Variants in WDR72 observed in about 807,000 individuals in gnomAD.
WDR72 encodes the protein WD repeat-containing protein 72.
In WDR72, 120 loss-of-function variants were observed where a neutral mutation model predicts 124.2. The observed-to-expected ratio is 0.97, with a 90% CI of 0.83 to 1.12. The LOEUF (loss-of-function observed/expected upper bound fraction) is 1.12. Among genes scored for constraint, WDR72 ranks in the 50% most tolerant of loss-of-function variants. WDR72 has a pLI of 0.00. For missense variants in WDR72, 1,387 were observed against 1,278.8 expected (o/e 1.08, Z -1.29); for synonymous variants, 452 against 441.7 (o/e 1.02, Z -0.29).
intron 9 of WDR72, among the ~76,000 whole-genome samples, chr15:53,706,819 A>G (rs1451160628): frequency 6.6e-6 from 1 of 152,052 alleles, no homozygotes; most frequent in Non-Finnish European, 1.5e-5. Context: ...GTGTATATAC[A>G]TATATAATGT....
rs972507770 is a variant in WDR72, at chr15:53,515,142, A to T, written c.*2557T>A. On this transcript the variant is annotated 3_prime_UTR_variant, in exon 20 of 20. Coordinates refer to ENST00000360509, the MANE Select transcript of WDR72 (RefSeq NM_182758.4). The stretch of plus-strand genomic sequence containing the variant: ...ATAAATATCACCAAGATGATTACCA[A>T]AAAAGAAACACAAGACAAAATTTTT... The T allele has an allele frequency of 7.4e-5, 8 of 107,650 alleles. No individual in the cohort carries two copies. The highest frequency in any genetic ancestry group is 1.7e-4 in the Non-Finnish European group (8 of 47,000). The allele number at this position is 107,650 out of a possible 1,614,324, so 6.7% of individuals were successfully genotyped here.
At chr15:53,725,783 G>T (rs1328141760) in intron 2 of WDR72, among the ~76,000 whole-genome samples, 1 of 152,156 alleles carries the variant, frequency 6.6e-6, no homozygotes, top group Non-Finnish European at 1.5e-5. Flanking sequence ...GTGGTTGTCA[G>T]GGGTTTGTGG....
At chr15:53,756,435 T>C (rs757459251) in intron 1 of WDR72, among the ~76,000 whole-genome samples, 2 of 152,164 alleles carry the variant, frequency 1.3e-5, no homozygotes, top group Non-Finnish European at 2.9e-5. Flanking sequence ...AAAGGACTAA[T>C]ACATGGGCCC....
chr15:53,692,274 G>A (rs959542139), intron 13 of WDR72, among the ~76,000 whole-genome samples: 1 of 152,152 alleles, frequency 6.6e-6, no homozygotes, highest in Non-Finnish European at 1.5e-5. Flanking sequence ...TCTTTAAGGA[G>A]GGAAACCATA....
At chr15:53,613,622 AG>A (rs2013635232) in intron 16 of WDR72, 43 bp downstream of exon 16, 3 of 1,326,810 alleles carry the variant, frequency 2.3e-6, no homozygotes, top group Non-Finnish European at 3.2e-6. Context: ...GTCCTTTCAC[AG>A]AAAAAAAAAA....
chr15:53,646,806 T>TA (rs201891252), intron 14 of WDR72, among the ~76,000 whole-genome samples: 41 of 150,864 alleles, frequency 2.7e-4, no homozygotes, highest in African/African-American at 8.7e-4. Context: ...CTGGGACAGT[T>TA]AAAAAAAAAT....
chr15:53,537,884 A>G (rs925247380), intron 18 of WDR72, among the ~76,000 whole-genome samples: 11 of 152,320 alleles, frequency 7.2e-5, no homozygotes, highest in African/African-American at 2.6e-4. Flanking sequence ...GTAGAAATCT[A>G]CAAGTTATTG....
intron 3 of WDR72, among the ~76,000 whole-genome samples, chr15:53,718,339 T>C (rs1179595997): frequency 6.6e-6 from 1 of 152,176 alleles, no homozygotes; most frequent in Non-Finnish European, 1.5e-5. Context: ...CATGCAGATA[T>C]CAAATCAGGC....
chr15:53,577,203 C>A (rs957544526), intron 18 of WDR72, among the ~76,000 whole-genome samples: 1 of 152,160 alleles, frequency 6.6e-6, no homozygotes, highest in East Asian at 1.9e-4. Flanking sequence ...GGAAGAACTT[C>A]TGCACTGTAA....
chr15:53,528,320 A>G (rs1892239260), intron 18 of WDR72, among the ~76,000 whole-genome samples: 1 of 152,112 alleles, frequency 6.6e-6, no homozygotes, highest in African/African-American at 2.4e-5. Context: ...TACATATTGC[A>G]TTAGACTTTA....
chr15:53,525,067 A>G (rs979596721), intron 18 of WDR72, among the ~76,000 whole-genome samples: 3 of 152,066 alleles, frequency 2.0e-5, no homozygotes, highest in African/African-American at 7.2e-5. Context: ...TGTGACATGG[A>G]AGGAGAGGAT....
intron 13 of WDR72, among the ~76,000 whole-genome samples, chr15:53,681,147 T>C (rs1043637280): frequency 1.3e-5 from 2 of 152,240 alleles, no homozygotes; most frequent in African/African-American, 4.8e-5. Flanking sequence ...CAGTATCCTT[T>C]ATCTCTCAGC....
chr15:53,689,047 C>G (rs1273496575), intron 13 of WDR72, among the ~76,000 whole-genome samples: 1 of 152,164 alleles, frequency 6.6e-6, no homozygotes, highest in Non-Finnish European at 1.5e-5. Flanking sequence ...TTCCTTACAC[C>G]TTAAACAGAA....
chr15:53,518,580 A>AT (rs57368989), intron 19 of WDR72, among the ~76,000 whole-genome samples: 32,047 of 151,574 alleles, frequency 0.21, 3,455 homozygotes, highest in Middle Eastern at 0.24. Flanking sequence ...ATTCTTCTAG[A>AT]TTTTTTTTAG....
At chr15:53,706,360 A>ATATATATATATATGTGTGTG (rs1567040151) in intron 9 of WDR72, among the ~76,000 whole-genome samples, 12 of 42,470 alleles carry the variant, frequency 2.8e-4, no homozygotes, top group African/African-American at 1.1e-3. Context: ...GTATATATAT[A>ATATATATATATATGTGTGTG]TATATATATA....
chr15:53,729,075 T>C (rs2140598893), intron 2 of WDR72, among the ~76,000 whole-genome samples: 1 of 152,272 alleles, frequency 6.6e-6, no homozygotes, highest in East Asian at 1.9e-4. Context: ...TGCAAATGAA[T>C]AATACCATCA....
chr15:53,518,762 AAAG>A (rs1181395703), intron 19 of WDR72, among the ~76,000 whole-genome samples: 16 of 150,974 alleles, frequency 1.1e-4, no homozygotes, highest in African/African-American at 4.0e-4. Flanking sequence ...CAGAATAGAA[AAAG>A]AAAAAAAAAA....
Position 53,706,373 on chromosome 15 carries a change from T to TATATATATATACATATATATATATATAC in WDR72, c.955-300_955-299insGTATATATATATATATGTATATATATAT, listed in dbSNP as rs2017373902. The stretch of plus-strand genomic sequence containing the variant: ...GTGTATATATATATATATATATATA[T>TATATATATATACATATATATATATATAC]ATATATATATATATATATATATGGC... On this transcript the variant is annotated intron_variant, in intron 9 of 19. Transcript: ENST00000360509. 5.8e-4 allele frequency among the ~76,000 whole-genome samples: 39 copies of TATATATATATACATATATATATATATAC among 67,338 alleles called. No homozygotes were observed. The South Asian group carries it at 0.018, about 30-fold the overall frequency. 44.2% of individuals were successfully genotyped at this position (67,338 alleles called of 152,430 possible).
At chr15:53,658,858 T>C (rs1296246031) in intron 14 of WDR72, among the ~76,000 whole-genome samples, 1 of 152,226 alleles carries the variant, frequency 6.6e-6, no homozygotes, top group Non-Finnish European at 1.5e-5. Context: ...TTATAAACCC[T>C]TAATAGTCGT....
Sources: allele counts gnomAD v4.1 joint callset (sites outside exome capture counted in the v4.1 genomes callset), GRCh38; gene constraint gnomAD v4.1.1; transcripts MANE v1.5; gene names NCBI Gene and HGNC (gene_info 2026-07-23, HGNC 2026-07-21).